HGD: variants seen among roughly 807,000 people sequenced by gnomAD.
The protein encoded by HGD is homogentisate 1,2-dioxygenase, also known as homogentisate oxidase.
A neutral mutation model predicts 60.8 loss-of-function variants in HGD; 61 were observed. That is an observed-to-expected ratio of 1.00 (90% CI 0.82 to 1.24). HGD has a LOEUF of 1.24. Among genes scored for constraint, HGD ranks in the 50% most tolerant of loss-of-function variants. The pLI is 0.00. For missense variants in HGD, 542 were observed against 547.1 expected, an observed-to-expected ratio of 0.99 and a Z score of 0.09; for synonymous variants, 212 against 187.7, an observed-to-expected ratio of 1.13 and a Z score of -1.06.
At chr3:120,656,924 G>A (rs1941515948) in intron 4 of HGD, among the ~76,000 whole-genome samples, 1 of 152,184 alleles carries the variant, frequency 6.6e-6, no homozygotes, top group Non-Finnish European at 1.5e-5. Context: ...AAAGTCCAAA[G>A]GTAAAATGTC....
intron 10 of HGD, among the ~76,000 whole-genome samples, chr3:120,642,569 A>G (rs1941021387): frequency 6.6e-6 from 1 of 152,222 alleles, no homozygotes; most frequent in African/African-American, 2.4e-5. Context: ...ACTGATTTCT[A>G]AGGTGTATAC....
At chr3:120,660,287 G>T (rs776140310) in intron 4 of HGD, among the ~76,000 whole-genome samples, 15 of 152,192 alleles carry the variant, frequency 9.9e-5, no homozygotes, top group Non-Finnish European at 1.6e-4. Context: ...ATAAATAGTT[G>T]TTAGCAGAGA....
intron 11 of HGD, among the ~76,000 whole-genome samples, chr3:120,640,606 C>T (rs1333706433): frequency 3.9e-5 from 6 of 152,174 alleles, no homozygotes; most frequent in Non-Finnish European, 8.8e-5. Flanking sequence ...AAAATAAACC[C>T]AACCCTTATT....
chr3:120,671,560 C>T (rs1459033913), intron 3 of HGD, among the ~76,000 whole-genome samples: 1 of 152,076 alleles, frequency 6.6e-6, no homozygotes, highest in Non-Finnish European at 1.5e-5. Context: ...TTAGTTCAAC[C>T]ATTGTGGAAG....
At chr3:120,665,062 GAC>G (rs1319087595) in intron 4 of HGD, among the ~76,000 whole-genome samples, 1 of 152,218 alleles carries the variant, frequency 6.6e-6, no homozygotes, top group Non-Finnish European at 1.5e-5. Flanking sequence ...CTGTGACTAG[GAC>G]AGACTTGGGC....
chr3:120,646,949 A>G (rs1346252480), intron 8 of HGD, 24 bp downstream of exon 8: 1 of 1,578,434 alleles, frequency 6.3e-7, no homozygotes, highest in African/African-American at 1.3e-5. Context: ...AGAGGCAGGG[A>G]AGAGAAGGGG....
chr3:120,635,674 G>T (rs144209246), intron 12 of HGD, among the ~76,000 whole-genome samples: 213 of 152,078 alleles, frequency 1.4e-3, no homozygotes, highest in African/African-American at 4.6e-3. Flanking sequence ...GGGTTCTGTG[G>T]TTTTTTCCCA....
At chr3:120,680,657 G>T (rs1428194801) in intron 1 of HGD, among the ~76,000 whole-genome samples, 1 of 152,108 alleles carries the variant, frequency 6.6e-6, no homozygotes, top group Non-Finnish European at 1.5e-5. Context: ...ATGACCCTCA[G>T]TTCTATTCCC....
intron 3 of HGD, among the ~76,000 whole-genome samples, chr3:120,673,791 T>G (rs1480648759): frequency 6.6e-6 from 1 of 152,206 alleles, no homozygotes; most frequent in Non-Finnish European, 1.5e-5. Flanking sequence ...ACTAACCATG[T>G]GCCTGTGCCA....
chr3:120,672,481 C>T (rs1209278162), intron 3 of HGD, among the ~76,000 whole-genome samples: 1 of 152,168 alleles, frequency 6.6e-6, no homozygotes, highest in Non-Finnish European at 1.5e-5. Context: ...CCTTTCAAGA[C>T]CAAGGACAGT....
At chr3:120,644,808 C>A (rs534777038) in intron 9 of HGD, among the ~76,000 whole-genome samples, 1 of 152,092 alleles carries the variant, frequency 6.6e-6, no homozygotes, top group African/African-American at 2.4e-5. Flanking sequence ...TTGAAGGAAC[C>A]CTTGAATATT....
intron 4 of HGD, among the ~76,000 whole-genome samples, chr3:120,662,758 A>T (rs1292523371): frequency 6.6e-6 from 1 of 152,174 alleles, no homozygotes; most frequent in Non-Finnish European, 1.5e-5. Flanking sequence ...GTAGATATTT[A>T]GAGGGAAAAA....
intron 6 of HGD, among the ~76,000 whole-genome samples, chr3:120,648,963 T>C (rs1030241229): frequency 1.3e-5 from 2 of 152,164 alleles, no homozygotes; most frequent in Non-Finnish European, 2.9e-5. Flanking sequence ...AGCAGGGACC[T>C]ATTGAAAGCG....
At chr3:120,681,465 C>T (rs950991913) in intron 1 of HGD, among the ~76,000 whole-genome samples, 1 of 152,162 alleles carries the variant, frequency 6.6e-6, no homozygotes, top group East Asian at 1.9e-4. Flanking sequence ...TTGGCAGTGA[C>T]CTTGGGCAAA....
At chr3:120,628,819 C>A (rs183051059) in intron 13 of HGD, among the ~76,000 whole-genome samples, 3 of 152,130 alleles carry the variant, frequency 2.0e-5, no homozygotes, top group South Asian at 2.1e-4. Flanking sequence ...CATGGTATTA[C>A]GGAACTAAGT....
chr3:120,641,850 T>C (rs1177209527), intron 10 of HGD, 157 bp from the exon 11 acceptor site: 1 of 670,404 alleles, frequency 1.5e-6, no homozygotes, highest in African/African-American at 1.8e-5. Flanking sequence ...CCCTGAATCA[T>C]TTTGTGGTTG....
rs747904200 is a variant in HGD at position 120,650,821 on chromosome 3, A to T, written c.387T>A (p.Asn129Lys). ...LCGAGDIKSN[N>K]GLAIHIFLCN... ...AGAGGAAAATGTGGATAGCAAGCCC[A>T]TTGTTAGACTTTATGTCTCCAGCTC... The change falls in exon 6 of 14, where the codon AAT (asparagine) becomes AAA (lysine). Residue 129 changes from asparagine (N) to lysine (K), a missense_variant. Physicochemically the swap from Asn to Lys is moderately conservative, Grantham distance 94. This residue lies in a region of HGD where 537 missense variants were observed against 529.1 expected (regional missense o/e 1.01). Transcript: ENST00000283871. 5 of 1,614,128 alleles carry T rather than the reference A, an allele frequency of 3.1e-6. No individual in the cohort carries two copies. The highest frequency in any genetic ancestry group is 4.2e-6 in the Non-Finnish European group (5 of 1,179,960).
intron 4 of HGD, among the ~76,000 whole-genome samples, chr3:120,654,283 T>C (rs1941429110): frequency 6.6e-6 from 1 of 152,170 alleles, no homozygotes; most frequent in Non-Finnish European, 1.5e-5. Context: ...ATCTTTTAGC[T>C]CTATCCAGAG....
chr3:120,654,038 G>A (rs970184329), intron 4 of HGD, among the ~76,000 whole-genome samples: 10 of 152,168 alleles, frequency 6.6e-5, no homozygotes, highest in African/African-American at 2.4e-4. Flanking sequence ...CCTAACATCA[G>A]GAAGTGCCAC....
Sources: allele counts gnomAD v4.1 joint callset (sites outside exome capture counted in the v4.1 genomes callset), GRCh38; gene constraint gnomAD v4.1.1; regional missense constraint gnomAD v4.1.1; transcripts MANE v1.5; gene names NCBI Gene and HGNC (gene_info 2026-07-23, HGNC 2026-07-21).